PIP5K1B: variants seen among roughly 807,000 people sequenced by gnomAD.
PIP5K1B encodes the protein phosphatidylinositol 4-phosphate 5-kinase type-1 beta.
PIP5K1B carries 42 observed loss-of-function variants against 67.0 expected under a neutral mutation model. The ratio of observed to expected loss-of-function variants is 0.63; its 90% CI spans 0.49 to 0.81. PIP5K1B has a LOEUF of 0.81. PIP5K1B is among the 30% of genes least tolerant of loss of function. The pLI, the probability that PIP5K1B is intolerant of heterozygous loss-of-function variation, is 0.00. For missense variants in PIP5K1B, 459 were observed against 646.3 expected (o/e 0.71, Z 3.14); for synonymous variants, 214 against 231.4 (o/e 0.92, Z 0.68).
intron 2 of PIP5K1B, among the ~76,000 whole-genome samples, chr9:68,760,763 C>T (rs1402999233): frequency 2.6e-5 from 4 of 152,042 alleles, no homozygotes; most frequent in African/African-American, 9.7e-5. Flanking sequence ...CATAATAATA[C>T]GTAGGAGCTC....
intron 2 of PIP5K1B, among the ~76,000 whole-genome samples, chr9:68,749,877 C>A (rs1441106158): frequency 6.6e-6 from 1 of 152,162 alleles, no homozygotes; most frequent in Non-Finnish European, 1.5e-5. Context: ...CAAAACTACA[C>A]CCTGTTGAGA....
At chr9:68,736,205 A>G (rs1374490396) in intron 1 of PIP5K1B, among the ~76,000 whole-genome samples, 1 of 152,192 alleles carries the variant, frequency 6.6e-6, no homozygotes, top group Non-Finnish European at 1.5e-5. Context: ...GGGTCATCTG[A>G]TTTCATATTT....
chr9:68,738,902 T>C (rs1828869360), intron 1 of PIP5K1B, among the ~76,000 whole-genome samples: 3 of 152,244 alleles, frequency 2.0e-5, no homozygotes, highest in Non-Finnish European at 4.4e-5. Flanking sequence ...ACATTTTTTT[T>C]TTCTTCTTTT....
At chr9:68,906,529 A>G (rs1825621010) in intron 8 of PIP5K1B, among the ~76,000 whole-genome samples, 1 of 152,212 alleles carries the variant, frequency 6.6e-6, no homozygotes, top group Admixed American at 6.5e-5. Context: ...AACTTTCTAC[A>G]TGTATACATC....
At chr9:68,986,561 A>G (rs978007998) in intron 14 of PIP5K1B, among the ~76,000 whole-genome samples, 4 of 152,230 alleles carry the variant, frequency 2.6e-5, no homozygotes, top group Non-Finnish European at 5.9e-5. Flanking sequence ...ATAGGAAACT[A>G]TTCTGTTTGA....
intron 2 of PIP5K1B, among the ~76,000 whole-genome samples, chr9:68,744,748 C>T (rs1829196911): frequency 6.6e-6 from 1 of 152,034 alleles, no homozygotes; most frequent in Non-Finnish European, 1.5e-5. Flanking sequence ...TTGTGGGGCC[C>T]TTTTGTGGGT....
chr9:68,908,344 T>C (rs566449024), intron 8 of PIP5K1B, among the ~76,000 whole-genome samples: 1 of 151,938 alleles, frequency 6.6e-6, no homozygotes, highest in South Asian at 2.1e-4. Context: ...TGAATATATA[T>C]ATATATATAC....
rs62566868 is a variant in PIP5K1B at position 68,864,291 on chromosome 9, G to C, written c.200+324G>C. Among the ~76,000 whole-genome samples the C allele has an allele frequency of 5.5e-3, 836 of 152,040 alleles. 9 individuals are homozygous for C. Among genetic ancestry groups the C allele is most frequent in the Admixed American group, 9.2e-3 (141 of 15,272 alleles). On this transcript the variant is annotated intron_variant, in intron 5 of 15. Transcript: ENST00000265382. ...TAATCACAGAGTAATGTCCGCCAAG[G>C]GTTTATAGAAAGAAGGCTTCCATGA...
chr9:68,774,496 C>G (rs1212679605), intron 2 of PIP5K1B, among the ~76,000 whole-genome samples: 1 of 152,176 alleles, frequency 6.6e-6, no homozygotes, highest in Non-Finnish European at 1.5e-5. Flanking sequence ...CATTTACATT[C>G]CATGCTGTTT....
intron 1 of PIP5K1B, among the ~76,000 whole-genome samples, chr9:68,725,355 A>G (rs1281441428): frequency 2.0e-5 from 3 of 152,164 alleles, no homozygotes; most frequent in Admixed American, 1.3e-4. Flanking sequence ...TTTCTCATCT[A>G]TGGAATGAAA....
chr9:68,783,480 TTTAA>T (rs1468260851), intron 2 of PIP5K1B: 3 of 167,042 alleles, frequency 1.8e-5, no homozygotes, highest in Non-Finnish European at 4.4e-5. Context: ...AAAGTCTGCT[TTTAA>T]TTATGTAAAA....
chr9:68,919,535 G>C lies in PIP5K1B; in HGVS notation c.1040G>C (p.Gly347Ala). ...HRGEKLLLFMGIIDILQSYRL... is the reference protein window; with the variant it reads ...HRGEKLLLFMAIIDILQSYRL... ...GGAGAAAAACTACTTTTATTTATGGGCATTATTGACATTCTGCAATCATAT... is the reference window on the plus strand; with the variant it reads ...GGAGAAAAACTACTTTTATTTATGGCCATTATTGACATTCTGCAATCATAT... The change falls in exon 10 of 16, where the codon GGC (glycine) becomes GCC (alanine). Residue 347 changes from glycine (G) to alanine (A), a missense_variant. Around this residue, in one of 2 missense-constraint regions of PIP5K1B, gnomAD observed 290 missense variants for 474.4 expected, o/e 0.61. Transcript: ENST00000265382. 1.9e-6 allele frequency: 3 copies of C among 1,596,280 alleles called. No individual in the cohort carries two copies. Among genetic ancestry groups the C allele is most frequent in the Non-Finnish European group, 2.6e-6 (3 of 1,166,992 alleles).
chr9:68,856,666 T>A (rs1227893634), intron 4 of PIP5K1B, among the ~76,000 whole-genome samples: 1 of 152,248 alleles, frequency 6.6e-6, no homozygotes, highest in Non-Finnish European at 1.5e-5. Flanking sequence ...CTTTTTCGGC[T>A]TATGCTTCGC....
intron 1 of PIP5K1B, among the ~76,000 whole-genome samples, chr9:68,732,353 TTTG>T (rs952450295): frequency 6.6e-6 from 1 of 152,182 alleles, no homozygotes; most frequent in African/African-American, 2.4e-5. Flanking sequence ...ATGGATCTTT[TTTG>T]TTGTTGTTTA....
At chr9:68,896,848 T>A (rs1225571545) in intron 8 of PIP5K1B, among the ~76,000 whole-genome samples, 1 of 152,182 alleles carries the variant, frequency 6.6e-6, no homozygotes, top group Non-Finnish European at 1.5e-5. Flanking sequence ...TAGTAAATCG[T>A]ATGAATGCTG....
intron 2 of PIP5K1B, among the ~76,000 whole-genome samples, chr9:68,760,581 G>A (rs1215076554): frequency 6.6e-6 from 1 of 152,044 alleles, no homozygotes; most frequent in African/African-American, 2.4e-5. Context: ...ATGAGTGAGA[G>A]ACAAACCATG....
At chr9:68,936,513 G>T (rs891281734) in intron 13 of PIP5K1B, among the ~76,000 whole-genome samples, 3 of 152,064 alleles carry the variant, frequency 2.0e-5, no homozygotes, top group Non-Finnish European at 2.9e-5. Context: ...ATTCTTTGGA[G>T]AATCTCAGCA....
chr9:68,779,143 TTGAC>T (rs1831079789), intron 2 of PIP5K1B, among the ~76,000 whole-genome samples: 1 of 151,882 alleles, frequency 6.6e-6, no homozygotes, highest in African/African-American at 2.4e-5. Context: ...AAAAAAAACC[TTGAC>T]TGACTGAATA....
At chr9:68,854,421 T>C (rs1205737383) in intron 4 of PIP5K1B, among the ~76,000 whole-genome samples, 1 of 152,168 alleles carries the variant, frequency 6.6e-6, no homozygotes, top group East Asian at 1.9e-4. Flanking sequence ...CAAGCCACCA[T>C]ACCTGGACAG....
Sources: gnomAD v4.1 joint callset for allele counts (sites outside exome capture counted in the v4.1 genomes callset) on GRCh38, gnomAD v4.1.1 for gene constraint, gnomAD v4.1.1 regional missense constraint, MANE v1.5 for transcripts, NCBI Gene and HGNC (gene_info 2026-07-23, HGNC 2026-07-21) for gene names.